ZSWIM5: variants seen among roughly 807,000 people sequenced by gnomAD.
ZSWIM5 encodes zinc finger SWIM domain-containing protein 5.
In ZSWIM5, 55 loss-of-function variants were observed where a neutral mutation model predicts 119.6. That is an observed-to-expected ratio of 0.46 (90% CI 0.37 to 0.58). The LOEUF is 0.58. Among genes scored for constraint, ZSWIM5 ranks in the 20% least tolerant of loss-of-function variants. The pLI is 0.00. For synonymous variants in ZSWIM5, 537 were observed against 606.9 expected (o/e 0.88, Z 1.69); for missense variants, 1,193 against 1,512.8 (o/e 0.79, Z 3.51).
intron 1 of ZSWIM5, among the ~76,000 whole-genome samples, chr1:45,110,210 TTCTGAGCTGAAGCTCAATTTACCC>T (rs2149023070): frequency 6.6e-6 from 1 of 152,384 alleles, no homozygotes; most frequent in African/African-American, 2.4e-5. Flanking sequence ...AACAGTCATA[TTCTGAGCTGAAGCTCAATTTACCC>T]TGGTCTGTTC....
intron 1 of ZSWIM5, among the ~76,000 whole-genome samples, chr1:45,140,771 A>T (rs1645721425): frequency 1.3e-5 from 2 of 152,258 alleles, no homozygotes; most frequent in South Asian, 4.1e-4. Context: ...ACTCTCTCCC[A>T]CTGAAGGCAG....
chr1:45,073,679 C>T (rs377700305), intron 2 of ZSWIM5, among the ~76,000 whole-genome samples: 6 of 151,772 alleles, frequency 4.0e-5, no homozygotes, highest in East Asian at 1.9e-4. Context: ...CATCTGCAAA[C>T]GAGGATAATT....
chr1:45,101,203 A>G (rs908829589), intron 1 of ZSWIM5, among the ~76,000 whole-genome samples: 1 of 152,060 alleles, frequency 6.6e-6, no homozygotes, highest in Non-Finnish European at 1.5e-5. Flanking sequence ...TACAAGAAAA[A>G]AAACGACCCC....
At chr1:45,080,753 G>A (rs1380226193) in intron 2 of ZSWIM5, among the ~76,000 whole-genome samples, 1 of 152,120 alleles carries the variant, frequency 6.6e-6, no homozygotes, top group Non-Finnish European at 1.5e-5. Context: ...TTCTGGATAA[G>A]AGGAACTGAA....
chr1:45,044,790 A>T (rs796254489), intron 5 of ZSWIM5, among the ~76,000 whole-genome samples: 96 of 678 alleles, frequency 0.14, 25 homozygotes, highest in African/African-American at 0.23. Context: ...TATATATATA[A>T]ATATATATAT....
In ZSWIM5 at chr1:45,020,716, T is replaced by C. The variant is rs1310241296; in HGVS notation, c.2522A>G (p.Lys841Arg). 5 of 1,614,038 alleles carry C rather than the reference T, an allele frequency of 3.1e-6. No individual in the cohort carries two copies. Among genetic ancestry groups the C allele is most frequent in the Admixed American group, 1.7e-5 (1 of 59,984 alleles). The change falls in exon 12 of 14, where the codon AAA becomes AGA. Residue 841 changes from lysine (K) to arginine (R), a missense_variant. By Grantham distance (26) the Lys-to-Arg change is conservative. Around this residue, in one of 2 missense-constraint regions of ZSWIM5, gnomAD observed 961 missense variants for 1,290.0 expected, o/e 0.74. Coordinates refer to ENST00000359600, the MANE Select transcript of ZSWIM5 (RefSeq NM_020883.2). Reference protein sequence around the residue: ...KHIHSSSLIFKLAQDAFKIAT... With the variant: ...KHIHSSSLIFRLAQDAFKIAT... The stretch of plus-strand genomic sequence containing the variant: ...AATCTTGAATGCATCTTGGGCCAGT[T>C]TGAAGATGAGGGAGGAAGAATGAAT...
rs199608753 is a variant in ZSWIM5 at position 45,020,071 on chromosome 1, T to G, written c.2690A>C (p.Glu897Ala). The change falls in exon 13 of 14, where the codon GAA becomes GCA. Residue 897 changes from glutamate to alanine, a missense_variant. Transcript: ENST00000359600. ...GAGGGAGGTGGGAGACTCACCCACT[T>G]CTGTAGCACAGGTCACCAACCATCG... ...MVRWLVTCAT[E>A]VGVRALVSIL... 3.7e-5 allele frequency: 60 copies of G among 1,613,118 alleles called. No individual in the cohort carries two copies. The African/African-American group carries it at 7.9e-4, about 21-fold the overall frequency.
chr1:45,195,092 T>C (rs921150733), intron 1 of ZSWIM5, among the ~76,000 whole-genome samples: 19 of 152,174 alleles, frequency 1.2e-4, no homozygotes, highest in African/African-American at 4.1e-4. Flanking sequence ...GTAAATGCCA[T>C]TTTATCTATT....
At chr1:45,143,727 T>A (rs150165929) in intron 1 of ZSWIM5, among the ~76,000 whole-genome samples, 2 of 152,064 alleles carry the variant, frequency 1.3e-5, no homozygotes, top group Non-Finnish European at 2.9e-5. Flanking sequence ...TATAAAACTA[T>A]CCTTATTCAA....
At position 45,057,155 on chromosome 1, in the gene ZSWIM5, T is replaced by C. The variant is rs1044270910; in HGVS notation, c.1252+1454A>G. Among the ~76,000 whole-genome samples the C allele has an allele frequency of 1.3e-5, 2 of 152,216 alleles. No individual in the cohort carries two copies. The highest frequency in any genetic ancestry group is 2.9e-5 in the Non-Finnish European group (2 of 68,038). ...CTGGATCAGCAGCATCAGCATCCCC[T>C]GGGAATTTGTTTGAAATGCAAATTC... On this transcript the variant is annotated intron_variant, in intron 4 of 13. Transcript: ENST00000359600. This position sits in a 1 kb window ranked among gnomAD's most constrained non-coding sequence, Gnocchi z 4.7.
rs770156312 is a variant in ZSWIM5 at position 45,034,370 on chromosome 1, A to C, written c.2391T>G (p.Leu797=). The C allele has an allele frequency of 7.4e-6, 12 of 1,614,020 alleles. No individual in the cohort carries two copies. The highest frequency in any genetic ancestry group is 1.0e-5 in the Non-Finnish European group (12 of 1,179,928). The change falls in exon 11 of 14, where the codon CTT becomes CTG. Residue 797 remains leucine (L), a synonymous_variant. Transcript: ENST00000359600. ...VPSRYPRWFT[L]GHLESQQCEL... ...CACACTGCTGTGATTCCAAGTGTCC[A>C]AGCGTGAACCAGCGAGGATAACGGC...
intron 8 of ZSWIM5, among the ~76,000 whole-genome samples, chr1:45,038,162 G>C (rs1644996720): frequency 6.6e-6 from 1 of 152,168 alleles, no homozygotes; most frequent in African/African-American, 2.4e-5. Context: ...ATAGAGTCTT[G>C]AGGCTCTATT....
intron 1 of ZSWIM5, among the ~76,000 whole-genome samples, chr1:45,184,843 C>G (rs1005486184): frequency 6.6e-6 from 1 of 151,900 alleles, no homozygotes; most frequent in African/African-American, 2.4e-5. Flanking sequence ...TTTATAGATT[C>G]AATGCCATCC....
intron 1 of ZSWIM5, among the ~76,000 whole-genome samples, chr1:45,092,760 T>C (rs996552142): frequency 5.9e-5 from 9 of 152,238 alleles, no homozygotes; most frequent in Non-Finnish European, 1.0e-4. Context: ...ATTATGTGGG[T>C]GGGCCTCATA....
chr1:45,128,380 G>C (rs1298829620), intron 1 of ZSWIM5, among the ~76,000 whole-genome samples: 1 of 151,950 alleles, frequency 6.6e-6, no homozygotes, highest in Non-Finnish European at 1.5e-5. Context: ...TTTAATTTTT[G>C]TAGAGACAGG....
chr1:45,077,524 C>T (rs981780618), intron 2 of ZSWIM5, among the ~76,000 whole-genome samples: 10 of 152,074 alleles, frequency 6.6e-5, no homozygotes, highest in Non-Finnish European at 8.8e-5. Flanking sequence ...GGAGGCAGGG[C>T]GAGATCACAG....
chr1:45,092,538 ACCCCCC>A lies in ZSWIM5; in HGVS notation c.596-4307_596-4302del, dbSNP rs761534239. On this transcript the variant is annotated intron_variant, in intron 1 of 13. Coordinates refer to ENST00000359600, the MANE Select transcript of ZSWIM5 (RefSeq NM_020883.2). ...TCTTGAACTTGTGACCTCGTGATCCACCCCCCCCCCCCCGCCAGCCTTACAAAGTGC... is the reference window on the plus strand; with the variant it reads ...TCTTGAACTTGTGACCTCGTGATCCACCCCCCCGCCAGCCTTACAAAGTGC... Among the ~76,000 whole-genome samples, 5 of 57,404 alleles carry A rather than the reference ACCCCCC, an allele frequency of 8.7e-5. 1 individual carries two copies. Among genetic ancestry groups the A allele is most frequent in the African/African-American group, 3.7e-4 (5 of 13,448 alleles). 37.7% of individuals were successfully genotyped at this position (57,404 alleles called of 152,430 possible).
At chr1:45,081,527 G>A (rs1397093336) in intron 2 of ZSWIM5, among the ~76,000 whole-genome samples, 2 of 152,200 alleles carry the variant, frequency 1.3e-5, no homozygotes, top group Non-Finnish European at 2.9e-5. Context: ...TGGCCGGGCT[G>A]GTCTCCAGCT....
intron 3 of ZSWIM5, among the ~76,000 whole-genome samples, chr1:45,059,097 C>A (rs1038807969): frequency 6.6e-6 from 1 of 152,144 alleles, no homozygotes; most frequent in Non-Finnish European, 1.5e-5. Context: ...GGCAGTTCTT[C>A]AAATGATTAA....
Sources: allele counts gnomAD v4.1 joint callset (sites outside exome capture counted in the v4.1 genomes callset), GRCh38; gene constraint gnomAD v4.1.1; regional missense constraint gnomAD v4.1.1; non-coding constraint Gnocchi (gnomAD v3.1); transcripts MANE v1.5; gene names NCBI Gene and HGNC (gene_info 2026-07-23, HGNC 2026-07-21).